The following XKR9 variants were observed in gnomAD, a reference collection of about 807,000 sequenced individuals.
The protein encoded by XKR9 is XK related 9.
Under a neutral mutation model 32.0 loss-of-function variants are expected in XKR9, and 32 were observed. The observed-to-expected ratio is 1.00, with a 90% CI of 0.76 to 1.34. The LOEUF (loss-of-function observed/expected upper bound fraction) is 1.34, where lower values mean the gene tolerates loss of function less well. Among genes scored for constraint, XKR9 ranks in the 40% most tolerant of loss-of-function variants. The pLI, the probability that XKR9 is intolerant of heterozygous loss-of-function variation, is 0.00. For missense variants in XKR9, 546 were observed against 429.7 expected, an observed-to-expected ratio of 1.27 and a Z score of -2.39; for synonymous variants, 168 against 143.4, an observed-to-expected ratio of 1.17 and a Z score of -1.22.
At chr8:70,875,031 A>T in the XKR9 span, among the ~76,000 whole-genome samples, 1 of 152,312 alleles carries the variant, frequency 6.6e-6, no homozygotes, top group East Asian at 1.9e-4. Flanking sequence ...GAAAGGGAAA[A>T]ATCAGATTTC....
chr8:70,928,114 C>T, the XKR9 span, among the ~76,000 whole-genome samples: 1 of 152,206 alleles, frequency 6.6e-6, no homozygotes, highest in Non-Finnish European at 1.5e-5. Context: ...GTAATTGCAG[C>T]TCACTGCAAC....
chr8:70,730,677 C>T (rs1056011796), intron 4 of XKR9, among the ~76,000 whole-genome samples: 8 of 151,934 alleles, frequency 5.3e-5, no homozygotes, highest in African/African-American at 1.9e-4. Context: ...GGAAGAAAAC[C>T]TTAATCTGTG....
chr8:71,037,493 A>G, the XKR9 span, among the ~76,000 whole-genome samples: 4 of 152,192 alleles, frequency 2.6e-5, no homozygotes, highest in African/African-American at 9.7e-5. Context: ...CACAGAGACT[A>G]GCTCTTGGGA....
chr8:71,049,990 A>C, the XKR9 span, among the ~76,000 whole-genome samples: 1 of 152,214 alleles, frequency 6.6e-6, no homozygotes, highest in African/African-American at 2.4e-5. Flanking sequence ...AACTGTTTAA[A>C]AAATATAAAA....
chr8:70,746,171 A>T (rs989983738), intron 2 of XKR9, among the ~76,000 whole-genome samples: 1 of 150,320 alleles, frequency 6.7e-6, no homozygotes, highest in African/African-American at 2.4e-5. Context: ...ATATAATTAT[A>T]TGTTATATAC....
At chr8:70,686,895 T>C (rs1252115793) in intron 3 of XKR9, among the ~76,000 whole-genome samples, 2 of 152,226 alleles carry the variant, frequency 1.3e-5, no homozygotes, top group Non-Finnish European at 2.9e-5. Flanking sequence ...ATATAATGTA[T>C]GATAATCACA....
At chr8:70,683,217 T>C (rs1819144438) in intron 3 of XKR9, among the ~76,000 whole-genome samples, 1 of 152,230 alleles carries the variant, frequency 6.6e-6, no homozygotes, top group African/African-American at 2.4e-5. Context: ...GGTCTTAAAT[T>C]GTTCCAAGTA....
At chr8:71,037,449 C>T in the XKR9 span, among the ~76,000 whole-genome samples, 1 of 152,176 alleles carries the variant, frequency 6.6e-6, no homozygotes, top group Non-Finnish European at 1.5e-5. Flanking sequence ...ATTCGGAGGC[C>T]CTGATAATGG....
the XKR9 span, among the ~76,000 whole-genome samples, chr8:70,903,784 A>G: frequency 6.6e-6 from 1 of 152,120 alleles, no homozygotes; most frequent in South Asian, 2.1e-4. Flanking sequence ...TTAGTGCTAT[A>G]AATTTCACTC....
At chr8:70,742,204 A>T (rs1452356137) in intron 2 of XKR9, among the ~76,000 whole-genome samples, 1 of 152,202 alleles carries the variant, frequency 6.6e-6, no homozygotes, top group Non-Finnish European at 1.5e-5. Context: ...CCAGATTAAA[A>T]CTGGGCAAAA....
chr8:71,047,075 T>G, the XKR9 span, among the ~76,000 whole-genome samples: 1 of 152,252 alleles, frequency 6.6e-6, no homozygotes, highest in South Asian at 2.1e-4. Context: ...ATAATTGCAT[T>G]GTTCTTGACG....
intron 2 of XKR9, chr8:70,781,032 A>T (rs1586896178): frequency 6.6e-6 from 1 of 152,036 alleles, no homozygotes; most frequent in African/African-American, 2.4e-5. Context: ...CTATCCTCGG[A>T]CCAACGATTC....
chr8:71,001,645 T>C, the XKR9 span, among the ~76,000 whole-genome samples: 4 of 152,270 alleles, frequency 2.6e-5, no homozygotes, highest in Non-Finnish European at 5.9e-5. Flanking sequence ...ACTCATTCTA[T>C]AAAAATAGAG....
At chr8:71,059,481 G>A in the XKR9 span, among the ~76,000 whole-genome samples, 3,389 of 152,204 alleles carry the variant, frequency 0.022, 96 homozygotes, top group East Asian at 0.12. Context: ...AAAGTGATTC[G>A]TCCTGCCAAA....
chr8:70,910,159 C>T, the XKR9 span, among the ~76,000 whole-genome samples: 149 of 151,886 alleles, frequency 9.8e-4, 1 homozygote, highest in Non-Finnish European at 1.7e-3. Flanking sequence ...GACTGAGGGT[C>T]TGAGGCAGTG....
chr8:70,938,900 A>G, the XKR9 span, among the ~76,000 whole-genome samples: 3 of 151,764 alleles, frequency 2.0e-5, no homozygotes, highest in Non-Finnish European at 4.4e-5. Context: ...GTAGTGTTTC[A>G]TGATGTCTGA....
chr8:70,970,154 T>C, the XKR9 span, among the ~76,000 whole-genome samples: 1 of 152,344 alleles, frequency 6.6e-6, no homozygotes, highest in Non-Finnish European at 1.5e-5. Context: ...TTGATGGGCA[T>C]TTGGGTGGTA....
At chr8:70,711,427 T>C (rs1490815175) in intron 4 of XKR9, among the ~76,000 whole-genome samples, 1 of 152,164 alleles carries the variant, frequency 6.6e-6, no homozygotes, top group African/African-American at 2.4e-5. Flanking sequence ...ATATATACCA[T>C]GGAATACTAC....
At chr8:70,818,843 G>A in the XKR9 span, among the ~76,000 whole-genome samples, 18 of 152,310 alleles carry the variant, frequency 1.2e-4, no homozygotes, top group East Asian at 3.3e-3. Flanking sequence ...AGTTTGGCAA[G>A]ACCAAGTCCG....
Sources: gnomAD v4.1 joint callset for allele counts (sites outside exome capture counted in the v4.1 genomes callset) on GRCh38, gnomAD v4.1.1 for gene constraint, MANE v1.5 for transcripts, NCBI Gene and HGNC (gene_info 2026-07-23, HGNC 2026-07-21) for gene names.